Variants in NCAPH2 observed in about 807,000 individuals in gnomAD.
NCAPH2 encodes condensin-2 complex subunit H2.
NCAPH2 carries 56 observed loss-of-function variants against 88.6 expected under a neutral mutation model. The ratio of observed to expected loss-of-function variants is 0.63; its 90% CI spans 0.51 to 0.79. NCAPH2 has a LOEUF of 0.79. Ranked by LOEUF, NCAPH2 falls within the 30% of genes least tolerant of loss-of-function variation. The pLI, the probability that NCAPH2 is intolerant of heterozygous loss-of-function variation, is 0.00. For missense variants in NCAPH2, 794 were observed against 792.0 expected, an observed-to-expected ratio of 1.00 and a Z score of -0.03; for synonymous variants, 378 against 313.6, an observed-to-expected ratio of 1.21 and a Z score of -2.17.
chr22:50,519,914 A>G (rs1227466668), intron 9 of NCAPH2, among the ~76,000 whole-genome samples: 1 of 152,180 alleles, frequency 6.6e-6, no homozygotes. Flanking sequence ...TCTGTCCCCC[A>G]GGCTGGAGTG....
chr22:50,523,212 C>T, intron 19 of NCAPH2, 23 bp from the exon 20 acceptor site: 1 of 1,613,534 alleles, frequency 6.2e-7, no homozygotes. Context: ...TCCCCAGACC[C>T]TGCTGATGTG....
rs759478409 is a variant in NCAPH2 at position 50,522,941 on chromosome 22, G to C, written c.1527+19G>C. On this transcript the variant is annotated intron_variant, in intron 18 of 19. Transcript: ENST00000420993. ...GGAGCAGGTGAGGCGGGGCCGCTGG[G>C]AACCAGAGCTGTGTGCCACGGGTCT... 2.5e-6 allele frequency: 4 copies of C among 1,612,398 alleles called. No homozygotes were observed. The South Asian group carries it at 3.3e-5, about 13-fold the overall frequency.
At chr22:50,515,914 G>A in intron 1 of NCAPH2, 1 of 701,762 alleles carries the variant, frequency 1.4e-6, no homozygotes, top group Non-Finnish European at 2.1e-6. Context: ...GCTTGGGCAT[G>A]GGATGAAGGA....
chr22:50,523,074 C>T lies in NCAPH2; in HGVS notation c.1585C>T (p.Pro529Ser), dbSNP rs202139761. 5 of 1,610,346 alleles carry T rather than the reference C, an allele frequency of 3.1e-6. No individual in the cohort carries two copies. In the East Asian group the frequency reaches 1.1e-4, roughly 36 times the overall value. Residue 529 changes from proline (P) to serine (S), a missense_variant, in exon 19 of 20, where the codon CCC becomes TCC. This residue lies in a region of NCAPH2 where 735 missense variants were observed against 696.3 expected (regional missense o/e 1.06). Transcript: ENST00000420993. Reference protein sequence around the residue: ...TYGDQLVSRFPQLNEWCPFAE... With the variant: ...TYGDQLVSRFSQLNEWCPFAE... ...TGGGGACCAGCTGGTCTCACGGTTC[C>T]CCCAGCTCAATGAGTGGTGTCCCTT...
At position 50,521,006 on chromosome 22, in the gene NCAPH2, G is replaced by C; in HGVS notation, c.903G>C (p.Glu301Asp). The change falls in exon 10 of 20, where the codon GAG (glutamate) becomes GAC (aspartate). Residue 301 changes from glutamate (E) to aspartate (D), a missense_variant. By Grantham distance (45) the Glu-to-Asp change is conservative. Around this residue, in one of 2 missense-constraint regions of NCAPH2, gnomAD observed 735 missense variants for 696.3 expected, o/e 1.06. Transcript: ENST00000420993. ...LPRRYMLRER[E>D]GAPEPASCVK... is the part of the protein sequence containing the mutation. Reference sequence around the variant, plus strand: ...GGAGGTACATGCTGCGGGAGCGGGAGGGGGCCCCAGAGCCTGCATCCTGCG... The same window carrying C: ...GGAGGTACATGCTGCGGGAGCGGGACGGGGCCCCAGAGCCTGCATCCTGCG... 1 of 1,550,852 alleles carries C rather than the reference G, an allele frequency of 6.4e-7. No homozygotes were observed. The highest frequency in any genetic ancestry group is 1.4e-5 in the African/African-American group (1 of 73,170).
rs2069210611 is a variant in NCAPH2 at position 50,524,022 on chromosome 22, G to C, written c.*647G>C. 1 of 1,613,486 alleles carries C rather than the reference G, an allele frequency of 6.2e-7. No individual in the cohort carries two copies. Among genetic ancestry groups the C allele is most frequent in the Non-Finnish European group, 8.5e-7 (1 of 1,180,046 alleles). On this transcript the variant is annotated 3_prime_UTR_variant, in exon 20 of 20. Transcript: ENST00000420993. ...CTGGGCAGATGTCAGGGCAGTGAGT[G>C]AAGCCAAAGTACATCAGCACCCACT...
intron 10 of NCAPH2, 40 bp from the exon 11 acceptor site, chr22:50,521,503 C>T (rs770960266): frequency 4.0e-5 from 64 of 1,604,970 alleles, no homozygotes; most frequent in Non-Finnish European, 5.4e-5. Context: ...CGGCTGTGCA[C>T]CCCCTACTTC....
intron 1 of NCAPH2, among the ~76,000 whole-genome samples, chr22:50,513,353 C>G (rs111747347): frequency 6.6e-6 from 1 of 151,250 alleles, no homozygotes; most frequent in Non-Finnish European, 1.5e-5. Context: ...GATCCCAGCA[C>G]TTTGGGGAGC....
Position 50,523,517 on chromosome 22 carries a change from G to T in NCAPH2, c.*142G>T. On this transcript the variant is annotated 3_prime_UTR_variant, in exon 20 of 20. Transcript: ENST00000420993. ...TTTATGTACACCTGCGCAGAGAAGA[G>T]GGCTGCCTGGCCTCCCTGGGCCGCT... The T allele has an allele frequency of 6.4e-7, 1 of 1,556,992 alleles. No homozygotes were observed. The highest frequency in any genetic ancestry group is 1.2e-5 in the South Asian group (1 of 86,748).
chr22:50,511,481 C>T (rs1289518561), intron 1 of NCAPH2, among the ~76,000 whole-genome samples: 2 of 140,450 alleles, frequency 1.4e-5, no homozygotes, highest in Non-Finnish European at 3.0e-5. Flanking sequence ...TTAGTAGAGA[C>T]GGGGTTTCAC....
chr22:50,515,106 A>G (rs1313122704), intron 1 of NCAPH2, among the ~76,000 whole-genome samples: 1 of 152,254 alleles, frequency 6.6e-6, no homozygotes, highest in African/African-American at 2.4e-5. Flanking sequence ...TGCTGCTCAC[A>G]CAGTTCACTA....
chr22:50,519,632 G>C (rs1248797078), intron 9 of NCAPH2: 6 of 1,195,408 alleles, frequency 5.0e-6, no homozygotes, highest in Non-Finnish European at 6.2e-6. Flanking sequence ...CTCTGCAGTC[G>C]GGCTGGTAGG....
intron 1 of NCAPH2, among the ~76,000 whole-genome samples, chr22:50,512,539 CTTTG>C (rs1361754479): frequency 1.4e-5 from 2 of 145,222 alleles, no homozygotes; most frequent in Non-Finnish European, 3.0e-5. Flanking sequence ...TTTTTTTGTC[CTTTG>C]TTTTTTTTTT....
At chr22:50,521,171 A>G (rs2069078290) in intron 10 of NCAPH2, 135 bp downstream of exon 10, 6 of 991,358 alleles carry the variant, frequency 6.1e-6, no homozygotes, top group Non-Finnish European at 8.8e-6. Context: ...TGCTCTCTTA[A>G]AGACCCCCTC....
Position 50,522,865 on chromosome 22 carries a change from G to A in NCAPH2, c.1470G>A (p.Glu490=), listed in dbSNP as rs551382593. 1.2e-5 allele frequency: 19 copies of A among 1,613,472 alleles called. No individual in the cohort carries two copies. The East Asian group carries it at 1.6e-4, about 13-fold the overall frequency. The change falls in exon 18 of 20, where the codon GAG becomes GAA. Residue 490 remains glutamate, a synonymous_variant. Coordinates refer to ENST00000420993, the MANE Select transcript of NCAPH2 (RefSeq NM_152299.4). ...ATSQKFVQET[E]LSQRIRDWED... ...CCCAGAAGTTTGTCCAGGAGACAGA[G>A]CTGAGCCAGCGCATCAGGGACTGGG...
chr22:50,522,647 C>G (rs371280711), intron 16 of NCAPH2, 24 bp from the exon 17 acceptor site: 1 of 1,613,548 alleles, frequency 6.2e-7, no homozygotes, highest in African/African-American at 1.3e-5. Context: ...CTTAGCTGCC[C>G]AGCTCACAGC....
chr22:50,512,467 G>C (rs771619100), intron 1 of NCAPH2, among the ~76,000 whole-genome samples: 3 of 150,998 alleles, frequency 2.0e-5, no homozygotes, highest in Non-Finnish European at 4.4e-5. Context: ...TGATTTCCTG[G>C]TTTCTAGTAT....
chr22:50,521,297 C>T lies in NCAPH2; in HGVS notation c.934-246C>T, dbSNP rs56072929. Among the ~76,000 whole-genome samples, 5 of 82,192 alleles carry T rather than the reference C, an allele frequency of 6.1e-5. No homozygotes were observed. The highest frequency in any genetic ancestry group is 8.1e-5 in the Non-Finnish European group (3 of 36,990). 53.9% of individuals were successfully genotyped at this position (82,192 alleles called of 152,430 possible). On this transcript the variant is annotated intron_variant, in intron 10 of 19. Transcript: ENST00000420993. The stretch of plus-strand genomic sequence containing the variant: ...ACTTGTTGCCTGGGCTTTGGGAAGG[C>T]GGCTGTGCACCCCCTACTCCTCTGG...
In NCAPH2 at chr22:50,517,638, G is replaced by A. The variant is rs574846073; in HGVS notation, c.328G>A (p.Val110Ile). 2.9e-4 allele frequency: 469 copies of A among 1,614,136 alleles called. 9 individuals are homozygous for A. The South Asian group carries it at 4.2e-3, about 14-fold the overall frequency. ...DRANGVASSG[V>I]PQEAENEFLS... The stretch of plus-strand genomic sequence containing the variant: ...GGCCAATGGGGTTGCCAGCTCCGGG[G>A]TCCCCCAGGAGGCAGAGAATGAGGT... The change falls in exon 4 of 20, where the codon GTC (valine) becomes ATC (isoleucine). Residue 110 changes from valine (V) to isoleucine (I), a missense_variant. Transcript: ENST00000420993.
Sources: allele counts gnomAD v4.1 joint callset (sites outside exome capture counted in the v4.1 genomes callset), GRCh38; gene constraint gnomAD v4.1.1; regional missense constraint gnomAD v4.1.1; transcripts MANE v1.5; gene names NCBI Gene and HGNC (gene_info 2026-07-23, HGNC 2026-07-21).